Variants in PDZD2 observed in about 807,000 individuals in gnomAD.
The protein encoded by PDZD2 is PDZ domain-containing protein 2.
In PDZD2, 90 loss-of-function variants were observed where a neutral mutation model predicts 220.7. The observed-to-expected ratio is 0.41, with a 90% CI of 0.34 to 0.49. PDZD2 has a LOEUF of 0.49. Among genes scored for constraint, PDZD2 ranks in the 20% least tolerant of loss-of-function variants. PDZD2 has a pLI of 0.28. For synonymous variants in PDZD2, 1,375 were observed against 1,450.5 expected (o/e 0.95, Z 1.18); for missense variants, 3,174 against 3,608.5 (o/e 0.88, Z 3.08).
intron 14 of PDZD2, among the ~76,000 whole-genome samples, chr5:32,065,886 C>T (rs1039579490): frequency 6.6e-6 from 1 of 151,992 alleles, no homozygotes; most frequent in Admixed American, 6.6e-5. Flanking sequence ...ATTAGCTGGG[C>T]GTGGTGGCAG....
intron 6 of PDZD2, among the ~76,000 whole-genome samples, chr5:32,031,850 C>G (rs1434089015): frequency 6.6e-6 from 1 of 152,104 alleles, no homozygotes; most frequent in Non-Finnish European, 1.5e-5. Flanking sequence ...AACATAAATA[C>G]GATTGTTCCT....
Position 32,098,153 on chromosome 5 carries a change from G to C in PDZD2, c.7948-211G>C, listed in dbSNP as rs558433977. Among the ~76,000 whole-genome samples the C allele has an allele frequency of 7.5e-4, 114 of 152,256 alleles. No individual in the cohort carries two copies. The highest frequency in any genetic ancestry group is 2.6e-3 in the African/African-American group (109 of 41,542). On this transcript the variant is annotated intron_variant, in intron 22 of 24. Transcript: ENST00000438447. The surrounding 1 kb of genome is among the most constrained non-coding windows in gnomAD (Gnocchi z 4.1). ...TGTGCCTATAATCCCAGCTACTCAG[G>C]AGGCTGAGGCAGGAGAATCGCTTGA...
Position 32,098,395 on chromosome 5 carries a change from C to G in PDZD2, c.7979C>G (p.Ser2660Cys). 6.2e-7 allele frequency: 1 copy of G among 1,614,158 alleles called. No individual in the cohort carries two copies. The highest frequency in any genetic ancestry group is 2.2e-5 in the East Asian group (1 of 44,894). Residue 2660 changes from serine to cysteine, a missense_variant, in exon 23 of 25, where the codon TCT becomes TGT. Coordinates refer to ENST00000438447, the MANE Select transcript of PDZD2 (RefSeq NM_178140.4). This position sits in a 1 kb window ranked among gnomAD's most constrained non-coding sequence, Gnocchi z 4.1. ...AGGGTGTTTTCTCAGGGGGCGGCTT[C>G]TCAGGAAGGGACTATGAACCGAGGG... Reference protein sequence around the residue: ...VHRVFSQGAASQEGTMNRGDF... With the variant: ...VHRVFSQGAACQEGTMNRGDF...
At chr5:31,898,087 C>A (rs1186836157) in intron 2 of PDZD2, among the ~76,000 whole-genome samples, 1 of 152,166 alleles carries the variant, frequency 6.6e-6, no homozygotes, top group Non-Finnish European at 1.5e-5. Context: ...GGACACTCAT[C>A]ATTTGTCTCC....
At chr5:31,878,385 A>G (rs907149775) in intron 2 of PDZD2, among the ~76,000 whole-genome samples, 5 of 151,934 alleles carry the variant, frequency 3.3e-5, no homozygotes, top group African/African-American at 1.2e-4. Context: ...TAAAAGCACT[A>G]TTCTCTTTTT....
chr5:31,925,609 A>G (rs2150384779), intron 2 of PDZD2, among the ~76,000 whole-genome samples: 1 of 152,306 alleles, frequency 6.6e-6, no homozygotes, highest in South Asian at 2.1e-4. Flanking sequence ...AAAATTGACA[A>G]GTAAGACCTA....
chr5:31,640,677 G>A (rs1195904942), intron 1 of PDZD2, among the ~76,000 whole-genome samples: 3 of 152,132 alleles, frequency 2.0e-5, no homozygotes, highest in Admixed American at 6.5e-5. Flanking sequence ...GTGGTGGCCA[G>A]ATAGGTACAG....
intron 2 of PDZD2, among the ~76,000 whole-genome samples, chr5:31,979,754 T>C (rs929198137): frequency 2.0e-5 from 3 of 152,212 alleles, no homozygotes; most frequent in Non-Finnish European, 2.9e-5. Context: ...ACCCTCACTT[T>C]ACAGATGAGG....
intron 2 of PDZD2, among the ~76,000 whole-genome samples, chr5:31,807,658 C>A (rs1054872757): frequency 1.3e-5 from 2 of 152,294 alleles, no homozygotes; most frequent in South Asian, 4.1e-4. Context: ...AGTGGCGTGG[C>A]ATGGGGACCC....
chr5:32,092,849 T>G, intron 20 of PDZD2, 58 bp from the exon 21 acceptor site: 1 of 840,068 alleles, frequency 1.2e-6, no homozygotes, highest in Non-Finnish European at 1.9e-6. Flanking sequence ...TGCATTCTTA[T>G]AAAATGAAGA....
intron 2 of PDZD2, among the ~76,000 whole-genome samples, chr5:31,964,466 G>A (rs1384754333): frequency 1.3e-5 from 2 of 152,198 alleles, no homozygotes; most frequent in African/African-American, 4.8e-5. Flanking sequence ...TAGGGACAGA[G>A]AGTCCTAATC....
At chr5:31,917,880 C>T (rs1405571675) in intron 2 of PDZD2, among the ~76,000 whole-genome samples, 3 of 152,184 alleles carry the variant, frequency 2.0e-5, no homozygotes, top group Non-Finnish European at 4.4e-5. Context: ...GATGGGACTA[C>T]AGGCGTGTGC....
chr5:31,893,031 A>G (rs1164130712), intron 2 of PDZD2, among the ~76,000 whole-genome samples: 1 of 152,178 alleles, frequency 6.6e-6, no homozygotes, highest in Non-Finnish European at 1.5e-5. Flanking sequence ...AAGCAGACAA[A>G]AACTAAGCTT....
At chr5:31,838,767 G>A (rs1031011014) in intron 2 of PDZD2, among the ~76,000 whole-genome samples, 1 of 152,170 alleles carries the variant, frequency 6.6e-6, no homozygotes, top group Non-Finnish European at 1.5e-5. Flanking sequence ...GCACAGTCAG[G>A]GCATCTAGGC....
chr5:31,766,171 C>A (rs1370693446), intron 1 of PDZD2, among the ~76,000 whole-genome samples: 2 of 152,064 alleles, frequency 1.3e-5, no homozygotes, highest in East Asian at 1.9e-4. Context: ...CAGAGTGAGA[C>A]CCTGTCTCAA....
chr5:32,095,858 A>G (rs1185661641), intron 21 of PDZD2, among the ~76,000 whole-genome samples: 1 of 146,982 alleles, frequency 6.8e-6, no homozygotes, highest in Admixed American at 6.8e-5. Context: ...CTCCTGCCTC[A>G]GCCTCCCGAG....
At chr5:31,805,835 A>G (rs906117118) in intron 2 of PDZD2, among the ~76,000 whole-genome samples, 16 of 152,282 alleles carry the variant, frequency 1.1e-4, no homozygotes, top group Non-Finnish European at 1.6e-4. Context: ...TTGTCTTTAT[A>G]AAAAGGGCAA....
Position 31,958,908 on chromosome 5 carries a change from G to A in PDZD2, c.477-24247G>A, listed in dbSNP as rs533831783. Reference sequence around the variant, plus strand: ...CTCCCAAAATGCTGGGATTACAGGCGTGAGCCACCCGGCCTTTAAAGCACT... The same window carrying A: ...CTCCCAAAATGCTGGGATTACAGGCATGAGCCACCCGGCCTTTAAAGCACT... On this transcript the variant is annotated intron_variant, in intron 2 of 24. Coordinates refer to ENST00000438447, the MANE Select transcript of PDZD2 (RefSeq NM_178140.4). Among the ~76,000 whole-genome samples, 6 of 149,996 alleles carry A rather than the reference G, an allele frequency of 4.0e-5. No individual in the cohort carries two copies. In the East Asian group the frequency reaches 6.0e-4, roughly 15 times the overall value.
intron 2 of PDZD2, among the ~76,000 whole-genome samples, chr5:31,953,979 G>T (rs999579699): frequency 1.3e-5 from 2 of 152,066 alleles, no homozygotes; most frequent in African/African-American, 4.8e-5. Context: ...AGCCAGGCAT[G>T]GTGTCTCTAG....
Sources: allele counts gnomAD v4.1 joint callset (sites outside exome capture counted in the v4.1 genomes callset), GRCh38; gene constraint gnomAD v4.1.1; non-coding constraint Gnocchi (gnomAD v3.1); transcripts MANE v1.5; gene names NCBI Gene and HGNC (gene_info 2026-07-23, HGNC 2026-07-21).